LEPR: variants seen among roughly 807,000 people sequenced by gnomAD.
LEPR encodes leptin receptor, also known as OB receptor.
A neutral mutation model predicts 114.7 loss-of-function variants in LEPR; 56 were observed. The ratio of observed to expected loss-of-function variants is 0.49; its 90% CI spans 0.39 to 0.61. The LOEUF is 0.61. Among genes scored for constraint, LEPR ranks in the 20% least tolerant of loss-of-function variants. LEPR has a pLI of 0.00. For synonymous variants in LEPR, 443 were observed against 461.4 expected (o/e 0.96, Z 0.51); for missense variants, 1,202 against 1,352.9 (o/e 0.89, Z 1.75).
At chr1:65,571,877 G>A (rs538269215) in intron 4 of LEPR, among the ~76,000 whole-genome samples, 4 of 145,044 alleles carry the variant, frequency 2.8e-5, no homozygotes, top group African/African-American at 1.0e-4. Flanking sequence ...GACTGAGGTG[G>A]GAAGATTGCT....
chr1:65,592,573 A>G (rs1030784995), intron 5 of LEPR, 84 bp from the exon 6 acceptor site: 5 of 1,465,696 alleles, frequency 3.4e-6, no homozygotes, highest in Non-Finnish European at 4.7e-6. Flanking sequence ...AGTTTACTTC[A>G]ATTAGTATTT....
Position 65,472,615 on chromosome 1 carries a change from G to GACACAC in LEPR, c.-21+47265_-21+47270dup, listed in dbSNP as rs77182938. Among the ~76,000 whole-genome samples the GACACAC allele has an allele frequency of 3.8e-3, 521 of 137,134 alleles. 1 individual carries two copies. The highest frequency in any genetic ancestry group is 7.1e-3 in the African/African-American group (257 of 36,018). The allele number at this position is 137,134 out of a possible 152,430, so 90.0% of individuals were successfully genotyped here. On this transcript the variant is annotated intron_variant, in intron 2 of 19. Transcript: ENST00000349533. ...ATAATTAAATGAGTGTATATATATA[G>GACACAC]ACACACACACACACACACACACACA...
chr1:65,467,322 T>C (rs752815566), intron 2 of LEPR, among the ~76,000 whole-genome samples: 4 of 152,080 alleles, frequency 2.6e-5, no homozygotes, highest in African/African-American at 9.7e-5. Flanking sequence ...TTGCTGGAGG[T>C]CCACTCCAGA....
intron 5 of LEPR, among the ~76,000 whole-genome samples, chr1:65,584,885 T>G (rs1189928313): frequency 6.6e-5 from 10 of 152,084 alleles, no homozygotes; most frequent in Admixed American, 6.6e-4. Flanking sequence ...TTTGGTGATA[T>G]CTTACATCTG....
chr1:65,513,725 G>C (rs1649147966), intron 2 of LEPR, among the ~76,000 whole-genome samples: 1 of 152,154 alleles, frequency 6.6e-6, no homozygotes. Flanking sequence ...ACTTAAATCT[G>C]AAATACTTCT....
rs149500319 is a variant in LEPR, at chr1:65,621,487, C to T, written c.2597+29C>T. ...TTGTACTTGAGGTTAAGAATCTTTACGGCAAAAGTCCTTACGCGTATTCAA... is the reference window on the plus strand; with the variant it reads ...TTGTACTTGAGGTTAAGAATCTTTATGGCAAAAGTCCTTACGCGTATTCAA... On this transcript the variant is annotated intron_variant, in intron 18 of 19. Transcript: ENST00000349533. 4.0e-4 allele frequency: 632 copies of T among 1,582,240 alleles called. 4 individuals are homozygous for T. The African/African-American group carries it at 7.0e-3, about 18-fold the overall frequency.
chr1:65,610,468 G>T (rs940478916), intron 14 of LEPR, among the ~76,000 whole-genome samples, 172 bp downstream of exon 14: 2 of 152,176 alleles, frequency 1.3e-5, no homozygotes, highest in African/African-American at 4.8e-5. Flanking sequence ...TGAAGCACTG[G>T]CATAGTGTTA....
At chr1:65,433,530 A>C in intron 2 of LEPR, 1 of 985,412 alleles carries the variant, frequency 1.0e-6, no homozygotes, top group Non-Finnish European at 1.2e-6. Flanking sequence ...CAAAACACTT[A>C]ATCCTTGAGG....
intron 2 of LEPR, among the ~76,000 whole-genome samples, chr1:65,484,568 A>G (rs1465825032): frequency 6.6e-6 from 1 of 152,170 alleles, no homozygotes; most frequent in Non-Finnish European, 1.5e-5. Flanking sequence ...AGACTTGTCA[A>G]TATGAACTAG....
intron 8 of LEPR, 25 bp from the exon 9 acceptor site, chr1:65,601,367 G>A (rs1169700264): frequency 4.4e-6 from 7 of 1,609,120 alleles, no homozygotes; most frequent in Admixed American, 1.7e-5. Flanking sequence ...GTCTTCATCT[G>A]ATATCCTTTC....
chr1:65,557,568 C>A (rs146740768), intron 2 of LEPR, among the ~76,000 whole-genome samples: 3 of 152,036 alleles, frequency 2.0e-5, no homozygotes, highest in East Asian at 1.9e-4. Flanking sequence ...TACAGGAACA[C>A]GCCACCACAC....
chr1:65,443,570 T>G (rs1038633583), intron 2 of LEPR, among the ~76,000 whole-genome samples: 2 of 152,018 alleles, frequency 1.3e-5, no homozygotes, highest in Non-Finnish European at 2.9e-5. Flanking sequence ...ATATACTATA[T>G]TTAAATACTA....
chr1:65,572,784 G>A (rs1339417242), intron 5 of LEPR, among the ~76,000 whole-genome samples: 3 of 152,132 alleles, frequency 2.0e-5, no homozygotes, highest in African/African-American at 4.8e-5. Context: ...CAGGTGAAAC[G>A]TAGTTTTATT....
intron 2 of LEPR, among the ~76,000 whole-genome samples, chr1:65,504,089 G>T (rs1648601465): frequency 6.6e-6 from 1 of 152,112 alleles, no homozygotes; most frequent in African/African-American, 2.4e-5. Context: ...CCTACGCTGG[G>T]ACGATTTGAG....
intron 2 of LEPR, among the ~76,000 whole-genome samples, chr1:65,461,203 G>A (rs1646941229): frequency 6.6e-6 from 1 of 152,034 alleles, no homozygotes; most frequent in African/African-American, 2.4e-5. Flanking sequence ...TCCAACTCCT[G>A]GCCTCAAGAT....
intron 2 of LEPR, among the ~76,000 whole-genome samples, chr1:65,485,730 A>C (rs1647452449): frequency 6.6e-6 from 1 of 152,132 alleles, no homozygotes; most frequent in Admixed American, 6.6e-5. Context: ...TGCTTCCATT[A>C]CCAATTTGTA....
chr1:65,465,220 T>C (rs1433743283), intron 2 of LEPR, among the ~76,000 whole-genome samples: 1 of 152,210 alleles, frequency 6.6e-6, no homozygotes, highest in Non-Finnish European at 1.5e-5. Context: ...TTCTGGTACA[T>C]TGTGTCTATG....
chr1:65,472,763 T>C (rs1303252881), intron 2 of LEPR, among the ~76,000 whole-genome samples: 1 of 152,142 alleles, frequency 6.6e-6, no homozygotes, highest in East Asian at 1.9e-4. Context: ...CTCTACCTTG[T>C]CCGGCTTCTG....
At chr1:65,525,906 G>A (rs949241425) in intron 2 of LEPR, 11 of 937,488 alleles carry the variant, frequency 1.2e-5, no homozygotes, top group Admixed American at 6.2e-5. Flanking sequence ...GACGCGCGTG[G>A]CAGACGCGGA....
Sources: gnomAD v4.1 joint callset for allele counts (sites outside exome capture counted in the v4.1 genomes callset) on GRCh38, gnomAD v4.1.1 for gene constraint, MANE v1.5 for transcripts, NCBI Gene and HGNC (gene_info 2026-07-23, HGNC 2026-07-21) for gene names.